Variants in THRB observed in about 807,000 individuals in gnomAD.
THRB encodes the protein nuclear receptor subfamily 1 group A member 2.
Under a neutral mutation model 47.8 loss-of-function variants are expected in THRB, and 12 were observed. The observed-to-expected ratio is 0.25, with a 90% CI of 0.16 to 0.41. THRB has a LOEUF of 0.41. THRB is among the 10% of genes least tolerant of loss of function. The pLI, the probability that THRB is intolerant of heterozygous loss-of-function variation, is 1.00. For missense variants in THRB, 348 were observed against 589.2 expected (o/e 0.59, Z 4.24); for synonymous variants, 218 against 212.2 (o/e 1.03, Z -0.24).
intron 2 of THRB, among the ~76,000 whole-genome samples, chr3:24,329,952 A>T (rs1390947097): frequency 6.6e-6 from 1 of 152,236 alleles, no homozygotes; most frequent in Admixed American, 6.5e-5. Flanking sequence ...CATCTAGATG[A>T]TTCTAATGCA....
At chr3:24,268,683 C>T (rs561854782) in intron 3 of THRB, among the ~76,000 whole-genome samples, 7 of 152,170 alleles carry the variant, frequency 4.6e-5, no homozygotes, top group Non-Finnish European at 7.4e-5. Context: ...TTGTTTTCTC[C>T]TATTTTATAC....
chr3:24,477,778 T>C (rs542720767), intron 1 of THRB, among the ~76,000 whole-genome samples: 1 of 151,912 alleles, frequency 6.6e-6, no homozygotes, highest in African/African-American at 2.4e-5. Flanking sequence ...ACCATCATAA[T>C]CTTCTTCTCT....
At chr3:24,461,168 C>G (rs182029153) in intron 1 of THRB, among the ~76,000 whole-genome samples, 29 of 152,276 alleles carry the variant, frequency 1.9e-4, no homozygotes, top group African/African-American at 6.5e-4. Flanking sequence ...ATCAGCATCA[C>G]TTTGGAGAGG....
intron 6 of THRB, among the ~76,000 whole-genome samples, chr3:24,147,629 A>G (rs2036268639): frequency 6.6e-6 from 1 of 152,190 alleles, no homozygotes; most frequent in Non-Finnish European, 1.5e-5. Flanking sequence ...ATTCTCAAGA[A>G]TGTGCAATAC....
intron 4 of THRB, among the ~76,000 whole-genome samples, chr3:24,218,696 A>T (rs2046864045): frequency 6.6e-6 from 1 of 152,114 alleles, no homozygotes; most frequent in South Asian, 2.1e-4. Context: ...TAAGTGATTT[A>T]TATAAATCTT....
At chr3:24,457,396 C>G (rs1376398369) in intron 1 of THRB, among the ~76,000 whole-genome samples, 1 of 152,166 alleles carries the variant, frequency 6.6e-6, no homozygotes, top group Non-Finnish European at 1.5e-5. Context: ...ATTTGATTAG[C>G]AGGTATAGAT....
At chr3:24,249,918 T>A (rs551764573) in intron 3 of THRB, among the ~76,000 whole-genome samples, 2 of 152,232 alleles carry the variant, frequency 1.3e-5, no homozygotes, top group African/African-American at 4.8e-5. Context: ...CATGGCACCA[T>A]GAAGAATTAA....
intron 2 of THRB, among the ~76,000 whole-genome samples, chr3:24,305,252 C>A (rs192370727): frequency 2.0e-5 from 3 of 152,168 alleles, no homozygotes; most frequent in Admixed American, 2.0e-4. Context: ...TCCCCTGAGA[C>A]CTACTGAATC....
chr3:24,214,778 C>T (rs2046400260), intron 4 of THRB, among the ~76,000 whole-genome samples: 1 of 152,216 alleles, frequency 6.6e-6, no homozygotes. Context: ...CTCCTCATCT[C>T]ATTTGTAAAG....
chr3:24,239,670 G>A (rs74808427), intron 3 of THRB, among the ~76,000 whole-genome samples: 1 of 151,994 alleles, frequency 6.6e-6, no homozygotes, highest in African/African-American at 2.4e-5. Flanking sequence ...AGGTTATAAA[G>A]GAAAGAAGTC....
chr3:24,486,887 A>T (rs1451441293), intron 1 of THRB, among the ~76,000 whole-genome samples: 1 of 152,222 alleles, frequency 6.6e-6, no homozygotes, highest in Non-Finnish European at 1.5e-5. Context: ...TAGGTACTTT[A>T]TTCTAGATCT....
intron 1 of THRB, among the ~76,000 whole-genome samples, chr3:24,486,979 C>T (rs1414267809): frequency 6.6e-6 from 1 of 152,094 alleles, no homozygotes; most frequent in Non-Finnish European, 1.5e-5. Flanking sequence ...CAGAAATAAA[C>T]CATTCTCCAG....
intron 5 of THRB, among the ~76,000 whole-genome samples, chr3:24,162,808 G>C (rs1041896804): frequency 6.6e-6 from 1 of 151,478 alleles, no homozygotes; most frequent in Non-Finnish European, 1.5e-5. Flanking sequence ...TATTTCACCA[G>C]TTTGTACCTA....
At chr3:24,155,080 T>C (rs1457062208) in intron 5 of THRB, among the ~76,000 whole-genome samples, 1 of 152,166 alleles carries the variant, frequency 6.6e-6, no homozygotes, top group Non-Finnish European at 1.5e-5. Context: ...CTTTATCTTT[T>C]GGCATTGGCA....
At chr3:24,308,859 T>C (rs923152052) in intron 2 of THRB, among the ~76,000 whole-genome samples, 4 of 152,212 alleles carry the variant, frequency 2.6e-5, no homozygotes, top group Non-Finnish European at 4.4e-5. Context: ...GTTCCCCTTT[T>C]GTTTTTGTGC....
chr3:24,271,533 T>G (rs957132837), intron 3 of THRB, among the ~76,000 whole-genome samples: 5 of 152,172 alleles, frequency 3.3e-5, no homozygotes, highest in Non-Finnish European at 7.3e-5. Flanking sequence ...TGATCAGGGA[T>G]GAACAGAGTA....
chr3:24,230,481 A>G (rs2048142953), intron 3 of THRB, among the ~76,000 whole-genome samples: 1 of 152,216 alleles, frequency 6.6e-6, no homozygotes, highest in South Asian at 2.1e-4. Context: ...AGGAAAATGC[A>G]TTCTTGCCTC....
intron 3 of THRB, among the ~76,000 whole-genome samples, chr3:24,230,457 G>A (rs1018511974): frequency 6.6e-6 from 1 of 152,206 alleles, no homozygotes; most frequent in Admixed American, 6.5e-5. Context: ...TGGAGAGGAT[G>A]AGTATTCACT....
intron 3 of THRB, among the ~76,000 whole-genome samples, chr3:24,277,183 G>T (rs1003766897): frequency 6.6e-6 from 1 of 152,118 alleles, no homozygotes; most frequent in Non-Finnish European, 1.5e-5. Flanking sequence ...GAGCAATTTT[G>T]CACCTTCCAT....
Sources: allele counts gnomAD v4.1 joint callset (sites outside exome capture counted in the v4.1 genomes callset), GRCh38; gene constraint gnomAD v4.1.1; transcripts MANE v1.5; gene names NCBI Gene and HGNC (gene_info 2026-07-23, HGNC 2026-07-21).